The following TSHR variants were observed in gnomAD, a reference collection of about 807,000 sequenced individuals.
TSHR encodes the protein thyrotropin receptor.
In TSHR, 51 loss-of-function variants were observed where a neutral mutation model predicts 64.1. The ratio of observed to expected loss-of-function variants is 0.80; its 90% CI spans 0.64 to 1.01. The LOEUF (loss-of-function observed/expected upper bound fraction) is 1.01. Ranked by LOEUF, TSHR falls within the 50% of genes least tolerant of loss-of-function variation. The pLI is 0.00. For missense variants in TSHR, 877 were observed against 942.8 expected (o/e 0.93, Z 0.91); for synonymous variants, 361 against 361.9 (o/e 1.00, Z 0.03).
intron 1 of TSHR, chr14:81,051,592 T>A (rs1416292980): frequency 6.6e-6 from 1 of 152,154 alleles, no homozygotes; most frequent in African/African-American, 2.4e-5. Flanking sequence ...TTTCTACTTT[T>A]AGTTTTTTAA....
At chr14:81,040,409 T>C (rs1250460639) in intron 1 of TSHR, among the ~76,000 whole-genome samples, 1 of 152,058 alleles carries the variant, frequency 6.6e-6, no homozygotes, top group Non-Finnish European at 1.5e-5. Flanking sequence ...TAGGCAAAGA[T>C]TTTTTTGATA....
At chr14:80,963,319 TTA>T (rs1278443023) in intron 1 of TSHR, among the ~76,000 whole-genome samples, 1 of 152,214 alleles carries the variant, frequency 6.6e-6, no homozygotes, top group Non-Finnish European at 1.5e-5. Context: ...TCCAGGTTCT[TTA>T]TGGAACCATC....
At chr14:81,018,413 A>G (rs921979720) in intron 1 of TSHR, among the ~76,000 whole-genome samples, 1 of 152,222 alleles carries the variant, frequency 6.6e-6, no homozygotes, top group African/African-American at 2.4e-5. Context: ...TTTCCCAAAG[A>G]TTGTAGAGCA....
intron 5 of TSHR, 139 bp downstream of exon 5, chr14:81,091,282 G>C (rs1566807637): frequency 7.5e-6 from 6 of 796,102 alleles, no homozygotes; most frequent in Non-Finnish European, 1.1e-5. Flanking sequence ...GACTACACTG[G>C]CATGAAGTAA....
At chr14:81,078,160 G>A (rs543925566) in intron 3 of TSHR, among the ~76,000 whole-genome samples, 2 of 151,944 alleles carry the variant, frequency 1.3e-5, no homozygotes, top group South Asian at 2.1e-4. Flanking sequence ...CCCTTCTGTA[G>A]GTCCAATTAT....
intron 1 of TSHR, among the ~76,000 whole-genome samples, chr14:80,962,048 G>A (rs1214060780): frequency 6.6e-6 from 1 of 152,050 alleles, no homozygotes; most frequent in Non-Finnish European, 1.5e-5. Context: ...GAATGCCTTG[G>A]TCTGCTATTT....
intron 8 of TSHR, among the ~76,000 whole-genome samples, chr14:81,113,206 G>A (rs1306701438): frequency 6.6e-6 from 1 of 152,222 alleles, no homozygotes; most frequent in Non-Finnish European, 1.5e-5. Flanking sequence ...TAGAGATGAT[G>A]AGAAATAATC....
chr14:81,014,872 G>C (rs182176628), intron 1 of TSHR, among the ~76,000 whole-genome samples: 2 of 152,186 alleles, frequency 1.3e-5, no homozygotes. Flanking sequence ...GAAACTTCAC[G>C]AGTGTCCAGA....
intron 1 of TSHR, among the ~76,000 whole-genome samples, chr14:81,029,115 C>T (rs1884218179): frequency 6.6e-6 from 1 of 151,896 alleles, no homozygotes; most frequent in Non-Finnish European, 1.5e-5. Context: ...ATGAATCATT[C>T]TGTAACCTTT....
At chr14:81,036,893 A>C (rs906355917) in intron 1 of TSHR, among the ~76,000 whole-genome samples, 6 of 152,170 alleles carry the variant, frequency 3.9e-5, no homozygotes, top group Admixed American at 3.9e-4. Flanking sequence ...CTGTAATCCC[A>C]ACACTTTGGG....
chr14:80,991,821 G>A, intron 1 of TSHR: 1 of 373,626 alleles, frequency 2.7e-6, no homozygotes, highest in Non-Finnish European at 4.7e-6. Flanking sequence ...CAAGCCTGGA[G>A]GGATTGTCTC....
chr14:81,092,630 C>G (rs1483052865), intron 6 of TSHR, 22 bp downstream of exon 6: 3 of 1,605,638 alleles, frequency 1.9e-6, no homozygotes, highest in Middle Eastern at 1.6e-4. Context: ...CAGTTCTACT[C>G]CCTCCATCAA....
intron 7 of TSHR, among the ~76,000 whole-genome samples, chr14:81,105,792 A>G (rs1221063208): frequency 2.0e-5 from 3 of 152,222 alleles, no homozygotes; most frequent in South Asian, 2.1e-4. Flanking sequence ...AACTGAGATG[A>G]GTTCACCGGC....
chr14:81,079,578 G>A (rs1477220398), intron 3 of TSHR, among the ~76,000 whole-genome samples: 8 of 152,328 alleles, frequency 5.3e-5, no homozygotes, highest in East Asian at 3.9e-4. Context: ...CTGGCCAGGC[G>A]TGGTGGCCCA....
chr14:81,133,243 C>T (rs1279925882), intron 8 of TSHR, among the ~76,000 whole-genome samples: 1 of 152,196 alleles, frequency 6.6e-6, no homozygotes, highest in Non-Finnish European at 1.5e-5. Context: ...ATTTATACAT[C>T]CACAAGAATT....
chr14:81,084,743 T>C (rs1442516464), intron 3 of TSHR, among the ~76,000 whole-genome samples: 1 of 152,208 alleles, frequency 6.6e-6, no homozygotes, highest in African/African-American at 2.4e-5. Context: ...TCTGGCAGCA[T>C]AGCTAGCCTC....
At chr14:81,023,898 A>AT (rs1001129769) in intron 1 of TSHR, among the ~76,000 whole-genome samples, 110 of 152,126 alleles carry the variant, frequency 7.2e-4, no homozygotes, top group Non-Finnish European at 1.3e-3. Flanking sequence ...CCTTCATGGC[A>AT]TTTTTTTGCA....
chr14:80,974,589 T>C (rs1371114774), intron 1 of TSHR, among the ~76,000 whole-genome samples: 2 of 152,202 alleles, frequency 1.3e-5, no homozygotes, highest in Non-Finnish European at 2.9e-5. Context: ...CCAGAAGCTC[T>C]GAAATGTGCT....
intron 1 of TSHR, among the ~76,000 whole-genome samples, chr14:80,985,779 A>T (rs1888416287): frequency 6.6e-6 from 1 of 152,230 alleles, no homozygotes; most frequent in African/African-American, 2.4e-5. Context: ...CATGTCAATA[A>T]ATATGCCTCT....
Sources: gnomAD v4.1 joint callset for allele counts (sites outside exome capture counted in the v4.1 genomes callset) on GRCh38, gnomAD v4.1.1 for gene constraint, MANE v1.5 for transcripts, NCBI Gene and HGNC (gene_info 2026-07-23, HGNC 2026-07-21) for gene names.